Variants in IMMP1L observed in about 807,000 individuals in gnomAD.
IMMP1L encodes inner mitochondrial membrane peptidase subunit 1, also known as mitochondrial inner membrane protease subunit 1.
Under a neutral mutation model 21.8 loss-of-function variants are expected in IMMP1L, and 24 were observed. The observed-to-expected ratio is 1.10, with a 90% CI of 0.80 to 1.55. The LOEUF (loss-of-function observed/expected upper bound fraction) is 1.55, where lower values mean the gene tolerates loss of function less well. Among genes scored for constraint, IMMP1L ranks in the 40% most tolerant of loss-of-function variants. IMMP1L has a pLI of 0.00. For synonymous variants in IMMP1L, 46 were observed against 62.8 expected (o/e 0.73, Z 1.26); for missense variants, 195 against 200.7 (o/e 0.97, Z 0.17).
chr11:31,456,269 G>C lies in IMMP1L; in HGVS notation c.312C>G (p.Ser104Arg). The change falls in exon 4 of 6, where the codon AGC becomes AGG. Residue 104 changes from serine to arginine, a missense_variant. By Grantham distance (110) the Ser-to-Arg change is moderately radical (BLOSUM62 -1). Transcript: ENST00000532287. ...TTGAAATGTTACTTACATAACTATG[G>C]CTTTTAAAGAAATCTGATGGACTAG... is the stretch of plus-strand genomic sequence containing the variant. ...LTTSPSDFFK[S>R]HSYVPMGHVW... 1.3e-6 allele frequency: 2 copies of C among 1,591,074 alleles called. No individual in the cohort carries two copies. Among genetic ancestry groups the C allele is most frequent in the Admixed American group, 1.7e-5 (1 of 59,280 alleles).
chr11:31,452,946 T>C (rs1953806896), intron 4 of IMMP1L: 5 of 710,168 alleles, frequency 7.0e-6, no homozygotes, highest in Admixed American at 7.6e-5. Context: ...GAGACAGGGT[T>C]TCACCATGCT....
chr11:31,455,185 C>T (rs537469290), intron 4 of IMMP1L, among the ~76,000 whole-genome samples: 1 of 152,174 alleles, frequency 6.6e-6, no homozygotes, highest in Non-Finnish European at 1.5e-5. Flanking sequence ...TATAGGGCAA[C>T]CAGAGGCTAT....
chr11:31,456,752 G>A (rs1374405492), intron 3 of IMMP1L, among the ~76,000 whole-genome samples: 1 of 151,164 alleles, frequency 6.6e-6, no homozygotes, highest in Non-Finnish European at 1.5e-5. Flanking sequence ...GGGTACAGTG[G>A]CTCACAACTA....
intron 1 of IMMP1L, among the ~76,000 whole-genome samples, chr11:31,466,070 CAAAT>C (rs1164751506): frequency 6.6e-6 from 1 of 151,758 alleles, no homozygotes; most frequent in Non-Finnish European, 1.5e-5. Context: ...AGCAAAAAAA[CAAAT>C]AACCCAATTA....
chr11:31,484,318 A>G (rs1196322573), intron 1 of IMMP1L, among the ~76,000 whole-genome samples: 2 of 151,948 alleles, frequency 1.3e-5, no homozygotes, highest in Non-Finnish European at 2.9e-5. Context: ...ATAAGCAAAT[A>G]TGAATATATG....
intron 1 of IMMP1L, among the ~76,000 whole-genome samples, chr11:31,487,967 C>T (rs1044650269): frequency 6.6e-6 from 1 of 152,094 alleles, no homozygotes; most frequent in Non-Finnish European, 1.5e-5. Context: ...GCCAAAGATT[C>T]CCCTCCTTAG....
At chr11:31,492,551 A>G (rs1422132654) in intron 1 of IMMP1L, among the ~76,000 whole-genome samples, 2 of 152,218 alleles carry the variant, frequency 1.3e-5, no homozygotes, top group African/African-American at 4.8e-5. Flanking sequence ...GGCCTGTCTC[A>G]GCTTTCAACA....
chr11:31,447,671 A>T (rs757186742), intron 4 of IMMP1L, among the ~76,000 whole-genome samples: 5 of 152,360 alleles, frequency 3.3e-5, no homozygotes, highest in South Asian at 4.1e-4. Flanking sequence ...TAAAGTAATT[A>T]TGAAAATTCT....
rs190877647 is a variant in IMMP1L at position 31,485,642 on chromosome 11, C to T, written c.-29-22337G>A. On this transcript the variant is annotated intron_variant, in intron 1 of 5. Transcript: ENST00000532287. ...AGTAATACATAATGTTAGGCAAATG[C>T]GTTGATTTTAAATATGAGTCAAACG... Among the ~76,000 whole-genome samples, 179 of 151,898 alleles carry T rather than the reference C, an allele frequency of 1.2e-3. No individual in the cohort carries two copies. The Middle Eastern group carries it at 0.024, about 20-fold the overall frequency.
intron 1 of IMMP1L, among the ~76,000 whole-genome samples, chr11:31,499,146 C>T (rs1955539681): frequency 6.6e-6 from 1 of 152,064 alleles, no homozygotes; most frequent in Non-Finnish European, 1.5e-5. Context: ...GCACGGATCA[C>T]GAGGTCAGGA....
intron 4 of IMMP1L, among the ~76,000 whole-genome samples, chr11:31,440,134 C>G (rs1953271967): frequency 6.6e-6 from 1 of 152,152 alleles, no homozygotes; most frequent in Non-Finnish European, 1.5e-5. Context: ...CAGCAAAGAC[C>G]ACCTGTGCTT....
intron 1 of IMMP1L, among the ~76,000 whole-genome samples, chr11:31,495,032 T>G (rs1264394372): frequency 1.3e-5 from 2 of 152,210 alleles, no homozygotes; most frequent in Non-Finnish European, 2.9e-5. Context: ...ATCATTTCTT[T>G]CAAGTTCAAA....
chr11:31,477,017 T>C (rs977728211), intron 1 of IMMP1L: 53 of 152,122 alleles, frequency 3.5e-4, no homozygotes, highest in African/African-American at 1.3e-3. Flanking sequence ...TACTCTATAC[T>C]TTTATATATT....
At chr11:31,445,651 A>T (rs1181146667) in intron 4 of IMMP1L, among the ~76,000 whole-genome samples, 1 of 152,174 alleles carries the variant, frequency 6.6e-6, no homozygotes, top group Non-Finnish European at 1.5e-5. Context: ...AATGTATCAA[A>T]CCCAGCAGAT....
chr11:31,436,247 T>A (rs986028383), intron 4 of IMMP1L, among the ~76,000 whole-genome samples: 1 of 152,236 alleles, frequency 6.6e-6, no homozygotes, highest in Non-Finnish European at 1.5e-5. Flanking sequence ...TATATCCATA[T>A]GCTTTTTAAA....
chr11:31,466,467 C>T (rs911312422), intron 1 of IMMP1L, among the ~76,000 whole-genome samples: 1 of 152,042 alleles, frequency 6.6e-6, no homozygotes, highest in Non-Finnish European at 1.5e-5. Context: ...TTTATTGCAG[C>T]GTAGCTACTA....
At chr11:31,479,483 A>C (rs185846143) in intron 1 of IMMP1L, among the ~76,000 whole-genome samples, 1 of 152,204 alleles carries the variant, frequency 6.6e-6, no homozygotes, top group East Asian at 1.9e-4. Flanking sequence ...GAAAAATCAG[A>C]AATGTAAAAA....
intron 4 of IMMP1L, among the ~76,000 whole-genome samples, chr11:31,455,521 T>C (rs1953911559): frequency 1.3e-5 from 2 of 152,192 alleles, no homozygotes. Context: ...GCAAGGTGGT[T>C]GTATACAATT....
intron 4 of IMMP1L, among the ~76,000 whole-genome samples, chr11:31,455,877 A>T (rs1003762476): frequency 6.6e-6 from 1 of 152,100 alleles, no homozygotes; most frequent in African/African-American, 2.4e-5. Flanking sequence ...TAGTGTTATG[A>T]TGATGAAGAT....
Sources: gnomAD v4.1 joint callset for allele counts (sites outside exome capture counted in the v4.1 genomes callset) on GRCh38, gnomAD v4.1.1 for gene constraint, MANE v1.5 for transcripts, NCBI Gene and HGNC (gene_info 2026-07-23, HGNC 2026-07-21) for gene names.